TOGARAM2: variants seen among roughly 807,000 people sequenced by gnomAD.
The protein encoded by TOGARAM2 is TOG array regulator of axonemal microtubules protein 2.
TOGARAM2 carries 85 observed loss-of-function variants against 93.3 expected under a neutral mutation model. The ratio of observed to expected loss-of-function variants is 0.91; its 90% confidence interval spans 0.76 to 1.09. TOGARAM2 has a LOEUF of 1.09. TOGARAM2 is among the 50% of genes least tolerant of loss of function. TOGARAM2 has a pLI of 0.00. For synonymous variants in TOGARAM2, 593 were observed against 552.8 expected (o/e 1.07, Z -1.02); for missense variants, 1,277 against 1,334.5 (o/e 0.96, Z 0.67).
chr2:29,001,097 G>C (rs993186285), intron 4 of TOGARAM2, among the ~76,000 whole-genome samples: 2 of 152,162 alleles, frequency 1.3e-5, no homozygotes, highest in African/African-American at 4.8e-5. Flanking sequence ...TGCTGGGGCT[G>C]CTCTGGCCCC....
chr2:29,003,478 G>T lies in TOGARAM2; in HGVS notation c.640-14G>T, dbSNP rs188144934. The T allele has an allele frequency of 7.7e-5, 114 of 1,486,902 alleles. No homozygotes were observed. In the African/African-American group the frequency reaches 1.4e-3, roughly 19 times the overall value. 92.1% of individuals were successfully genotyped at this position (1,486,902 alleles called of 1,614,324 possible). A position where few individuals can be genotyped will look rare whatever the true frequency, so the allele number is the denominator to read the frequency against. On this transcript the variant is annotated splice_polypyrimidine_tract_variant and intron_variant, in intron 5 of 19. Coordinates refer to ENST00000379558, the MANE Select transcript of TOGARAM2 (RefSeq NM_199280.4). Reference sequence around the variant, plus strand: ...TTGCCATAGGCCAGACCCCTGTCCCGCCTCTGCTCCCAGGCGCAGATCTCC... The same window carrying T: ...TTGCCATAGGCCAGACCCCTGTCCCTCCTCTGCTCCCAGGCGCAGATCTCC...
rs1491195959 is a variant in TOGARAM2, at chr2:29,019,175, C to CTTT, written c.1360+1220_1360+1221insTTT. Among the ~76,000 whole-genome samples, 3 of 125,576 alleles carry CTTT rather than the reference C, an allele frequency of 2.4e-5. 1 individual carries two copies. The highest frequency in any genetic ancestry group is 1.6e-4 in the Admixed American group (2 of 12,488). 82.4% of individuals were successfully genotyped at this position (125,576 alleles called of 152,430 possible). On this transcript the variant is annotated intron_variant, in intron 10 of 19. Coordinates refer to ENST00000379558, the MANE Select transcript of TOGARAM2 (RefSeq NM_199280.4). ...CTATTGATGTATATAACCCAACTGA[C>CTTT]TCTTTTTTTTTTTTTTTTTTTTTAT...
At chr2:29,014,052 C>T (rs115352046) in intron 7 of TOGARAM2, among the ~76,000 whole-genome samples, 2,197 of 152,262 alleles carry the variant, frequency 0.014, 23 homozygotes, top group Non-Finnish European at 0.023. Flanking sequence ...TCCTGCCGTA[C>T]GTACCTCCCA....
Position 28,984,091 on chromosome 2 carries a change from AC to A in TOGARAM2, c.-111+2554del, listed in dbSNP as rs201297637. Among the ~76,000 whole-genome samples, 987 of 151,524 alleles carry A rather than the reference AC, an allele frequency of 6.5e-3. 12 individuals carry two copies. The highest frequency in any genetic ancestry group is 0.023 in the African/African-American group (936 of 41,246). ...TTCTTGGAGAACCAATCACTATTCC[AC>A]ATACTTCTTAGTGTTTGAATTACAG... On this transcript the variant is annotated intron_variant, in intron 1 of 19. Coordinates refer to ENST00000379558, the MANE Select transcript of TOGARAM2 (RefSeq NM_199280.4).
At chr2:28,998,563 C>T (rs924040341) in intron 3 of TOGARAM2, among the ~76,000 whole-genome samples, 1 of 152,178 alleles carries the variant, frequency 6.6e-6, no homozygotes, top group Non-Finnish European at 1.5e-5. Flanking sequence ...GTCCACTCAG[C>T]GTCTCTGCCA....
chr2:28,982,825 C>T (rs938570149), intron 1 of TOGARAM2, among the ~76,000 whole-genome samples: 2 of 152,080 alleles, frequency 1.3e-5, no homozygotes, highest in Non-Finnish European at 2.9e-5. Context: ...TAGCCACCTC[C>T]CAGGCCAAGA....
Position 29,003,516 on chromosome 2 carries a change from C to T in TOGARAM2, c.664C>T (p.His222Tyr), listed in dbSNP as rs1360496090. 6.4e-7 allele frequency: 1 copy of T among 1,572,762 alleles called. No homozygotes were observed. Among genetic ancestry groups the T allele is most frequent in the Admixed American group, 1.9e-5 (1 of 54,028 alleles). Reference sequence around the variant, plus strand: ...GGCGCAGATCTCCTGGCAATACCTGCACTGCAATGATGAGAAGATGCAGAA... The same window carrying T: ...GGCGCAGATCTCCTGGCAATACCTGTACTGCAATGATGAGAAGATGCAGAA... ...QEAQISWQYLHCNDEKMQKSL... is the reference protein window; with the variant it reads ...QEAQISWQYLYCNDEKMQKSL... Residue 222 changes from histidine to tyrosine, a missense_variant, in exon 6 of 20, where the codon CAC becomes TAC. His to Tyr is a moderately conservative substitution (Grantham distance 83, BLOSUM62 2). Coordinates refer to ENST00000379558, the MANE Select transcript of TOGARAM2 (RefSeq NM_199280.4).
At chr2:29,041,741 C>T (rs1030183943) in intron 18 of TOGARAM2, among the ~76,000 whole-genome samples, 1 of 152,176 alleles carries the variant, frequency 6.6e-6, no homozygotes, top group Non-Finnish European at 1.5e-5. Context: ...CAGTCTTTGC[C>T]TCCTTGTGAG....
intron 1 of TOGARAM2, among the ~76,000 whole-genome samples, chr2:28,970,776 G>A (rs1671938658): frequency 6.6e-6 from 1 of 152,168 alleles, no homozygotes; most frequent in Non-Finnish European, 1.5e-5. Context: ...TCTGACTGTG[G>A]CTCCGAGGGA....
At chr2:28,981,836 T>C (rs1672209247) in intron 1 of TOGARAM2, among the ~76,000 whole-genome samples, 1 of 152,186 alleles carries the variant, frequency 6.6e-6, no homozygotes, top group African/African-American at 2.4e-5. Flanking sequence ...CCCCGAGTCA[T>C]GGCCTCTGTG....
At chr2:29,030,451 G>T (rs17007465) in intron 14 of TOGARAM2, among the ~76,000 whole-genome samples, 3,030 of 151,682 alleles carry the variant, frequency 0.02, 108 homozygotes, top group African/African-American at 0.069. Flanking sequence ...GTGTAACTCT[G>T]CCATGCAACG....
At chr2:28,990,991 GGTGTGTGTGTGTGT>G (rs70958233) in intron 1 of TOGARAM2, among the ~76,000 whole-genome samples, 298 of 119,856 alleles carry the variant, frequency 2.5e-3, no homozygotes, top group African/African-American at 5.0e-3. Context: ...GTGTGTGAAG[GGTGTGTGTGTGTGT>G]GTGTGTGTGT....
Position 29,026,937 on chromosome 2 carries a change from G to C in TOGARAM2, c.1938G>C (p.Ser646=). ...LEQIGAEKLL[S]GTRDSTDMLV... is the part of the protein sequence containing the mutation. ...AGATCGGCGCTGAGAAGCTTCTCTC[G>C]GGCACCAGAGACAGCACAGACATGT... The change falls in exon 14 of 20, where the codon TCG becomes TCC. Residue 646 remains serine, a synonymous_variant. Transcript: ENST00000379558. 1 of 1,576,986 alleles carries C rather than the reference G, an allele frequency of 6.3e-7. No individual in the cohort carries two copies. Among genetic ancestry groups the C allele is most frequent in the Non-Finnish European group, 8.6e-7 (1 of 1,161,242 alleles).
At chr2:29,023,938 T>C (rs1420161299) in intron 12 of TOGARAM2, among the ~76,000 whole-genome samples, 1 of 151,990 alleles carries the variant, frequency 6.6e-6, no homozygotes, top group African/African-American at 2.4e-5. Context: ...ATGATAATGA[T>C]GGGATTAATA....
rs1217107456 is a variant in TOGARAM2 at position 29,022,214 on chromosome 2, G to C, written c.1417G>C (p.Glu473Gln). ...GTCTCCTGAATGGGAAGAAGAGGAGGAGATGGATCTTAGAGCCTGTAAGGA... is the reference window on the plus strand; with the variant it reads ...GTCTCCTGAATGGGAAGAAGAGGAGCAGATGGATCTTAGAGCCTGTAAGGA... ...LGSPEWEEEE[E>Q]MDLRACKELR... The change falls in exon 11 of 20, where the codon GAG becomes CAG. Residue 473 changes from glutamate (E) to glutamine (Q), a missense_variant. Glu to Gln is a conservative substitution (Grantham distance 29). Transcript: ENST00000379558. 1.9e-6 allele frequency: 3 copies of C among 1,614,060 alleles called. No individual in the cohort carries two copies. In the South Asian group the frequency reaches 3.3e-5, roughly 18 times the overall value.
intron 1 of TOGARAM2, among the ~76,000 whole-genome samples, chr2:28,984,402 A>G (rs1052908753): frequency 7.2e-5 from 11 of 152,210 alleles, no homozygotes; most frequent in African/African-American, 2.6e-4. Flanking sequence ...AAGTCTTCTG[A>G]GCTTCTTGCA....
chr2:29,010,416 G>A (rs778795411), intron 6 of TOGARAM2, among the ~76,000 whole-genome samples: 1 of 152,096 alleles, frequency 6.6e-6, no homozygotes, highest in Non-Finnish European at 1.5e-5. Flanking sequence ...TGGGAGCAAT[G>A]GCGAATCCCG....
At chr2:29,041,970 T>C (rs1022244180) in intron 18 of TOGARAM2, among the ~76,000 whole-genome samples, 1 of 152,234 alleles carries the variant, frequency 6.6e-6, no homozygotes, top group African/African-American at 2.4e-5. Context: ...ATTGAACCCT[T>C]ACAGCAACTT....
intron 10 of TOGARAM2, chr2:29,018,229 C>T: frequency 2.3e-6 from 1 of 428,188 alleles, no homozygotes. Context: ...GTGACCAGTG[C>T]ACGAGGGCCA....
Sources: gnomAD v4.1 joint callset for allele counts (sites outside exome capture counted in the v4.1 genomes callset) on GRCh38, gnomAD v4.1.1 for gene constraint, MANE v1.5 for transcripts, NCBI Gene and HGNC (gene_info 2026-07-23, HGNC 2026-07-21) for gene names.